USP28: variants seen among roughly 807,000 people sequenced by gnomAD.
The protein encoded by USP28 is ubiquitin specific peptidase 28, also known as ubiquitin carboxyl-terminal hydrolase 28.
USP28 carries 113 observed loss-of-function variants against 145.0 expected under a neutral mutation model. The ratio of observed to expected loss-of-function variants is 0.78; its 90% CI spans 0.67 to 0.91. The LOEUF (loss-of-function observed/expected upper bound fraction) is 0.91. Among genes scored for constraint, USP28 ranks in the 40% least tolerant of loss-of-function variants. USP28 has a pLI of 0.00. For synonymous variants in USP28, 447 were observed against 450.9 expected, an observed-to-expected ratio of 0.99 and a Z score of 0.11; for missense variants, 1,201 against 1,289.6, an observed-to-expected ratio of 0.93 and a Z score of 1.05.
chr11:113,867,563 AT>A (rs1948402104), intron 1 of USP28, among the ~76,000 whole-genome samples: 1 of 151,140 alleles, frequency 6.6e-6, no homozygotes, highest in Non-Finnish European at 1.5e-5. Flanking sequence ...TTTTGCCTCA[AT>A]TGAAAAAAAA....
chr11:113,826,482 T>A (rs967211092), intron 11 of USP28, among the ~76,000 whole-genome samples: 7 of 151,278 alleles, frequency 4.6e-5, no homozygotes, highest in African/African-American at 7.3e-5. Flanking sequence ...GCTAATTTTT[T>A]TTTTTTAAGA....
chr11:113,841,840 TAA>T (rs1228567151), intron 3 of USP28, 72 bp from the exon 4 acceptor site: 17 of 1,040,422 alleles, frequency 1.6e-5, no homozygotes, highest in South Asian at 1.6e-5. Context: ...AAGAAAAAGG[TAA>T]AGACATACTC....
At chr11:113,871,877 C>G (rs185663809) in intron 1 of USP28, among the ~76,000 whole-genome samples, 555 of 152,262 alleles carry the variant, frequency 3.6e-3, no homozygotes, top group Non-Finnish European at 5.1e-3. Context: ...GCAATGGGCC[C>G]ATCAACTATG....
chr11:113,806,677 G>T, intron 18 of USP28, 93 bp from the exon 20 acceptor site: 1 of 863,620 alleles, frequency 1.2e-6, no homozygotes, highest in Non-Finnish European at 1.8e-6. Flanking sequence ...AGTGCTAAAG[G>T]GCAGCAGAGC....
chr11:113,858,712 C>A lies in USP28; in HGVS notation c.58-4377G>T, dbSNP rs190883720. Among the ~76,000 whole-genome samples, 31 of 152,320 alleles carry A rather than the reference C, an allele frequency of 2.0e-4. No individual in the cohort carries two copies. In the East Asian group the frequency reaches 4.4e-3, roughly 22 times the overall value. On this transcript the variant is annotated intron_variant, in intron 1 of 24. Coordinates refer to ENST00000003302, the Ensembl canonical transcript of USP28. ...GCAAACTCCACCTCTTGGGTTCAAG[C>A]GATTCTCCTGCCTCAGCCACCTGAG...
Position 113,817,719 on chromosome 11 carries a change from G to T in USP28, c.1402C>A (p.His468Asn), listed in dbSNP as rs370812526. 2.9e-4 allele frequency: 466 copies of T among 1,614,078 alleles called. No individual in the cohort carries two copies. The highest frequency in any genetic ancestry group is 3.6e-4 in the Non-Finnish European group (420 of 1,180,030). Residue 468 changes from histidine (H) to asparagine (N), a missense_variant, in exon 13 of 25, where the codon CAT (histidine) becomes AAT (asparagine). Coordinates refer to ENST00000003302, the Ensembl canonical transcript of USP28. Reference sequence around the variant, plus strand: ...ACTGAAGAAAGTGGTAATGTCATATGTGTGTCACTTTCAGGTGGACAGCTT... The same window carrying T: ...ACTGAAGAAAGTGGTAATGTCATATTTGTGTCACTTTCAGGTGGACAGCTT...
intron 17 of USP28, 134 bp from the exon 18 acceptor site, chr11:113,808,571 A>C: frequency 1.1e-6 from 1 of 904,278 alleles, no homozygotes; most frequent in Non-Finnish European, 1.5e-6. Context: ...GCCTATGCAG[A>C]TTTTCCCTAG....
intron 1 of USP28, among the ~76,000 whole-genome samples, chr11:113,856,014 C>T (rs1270647071): frequency 6.6e-6 from 1 of 152,198 alleles, no homozygotes; most frequent in Admixed American, 6.5e-5. Context: ...CTGCTGAGAC[C>T]AGCAGACTTT....
At chr11:113,839,094 G>A (rs1490329642) in intron 5 of USP28, among the ~76,000 whole-genome samples, 2 of 152,178 alleles carry the variant, frequency 1.3e-5, no homozygotes, top group African/African-American at 2.4e-5. Context: ...ACTGTATCTA[G>A]AGCCCAGCAC....
At position 113,813,866 on chromosome 11, in the gene USP28, C is replaced by A; in HGVS notation, c.1743+19G>T. 6.2e-7 allele frequency: 1 copy of A among 1,606,430 alleles called. No individual in the cohort carries two copies. ...ATTAGCACATGCCTTGACTACTTTC[C>A]CATCAATTTTCATTCTACCTGACGA... On this transcript the variant is annotated intron_variant, in intron 15 of 24. Transcript: ENST00000003302.
intron 12 of USP28, among the ~76,000 whole-genome samples, chr11:113,822,060 G>A (rs564167094): frequency 6.6e-6 from 1 of 152,326 alleles, no homozygotes; most frequent in East Asian, 1.9e-4. Context: ...AGAATACCCT[G>A]TTGTCTCCTG....
intron 1 of USP28, among the ~76,000 whole-genome samples, chr11:113,858,890 T>C (rs1591459045): frequency 1.3e-5 from 2 of 152,348 alleles, no homozygotes; most frequent in African/African-American, 2.4e-5. Context: ...ATTACAGGCA[T>C]GAGCCACCGG....
chr11:113,875,014 G>T, intron 1 of USP28: 1 of 721,044 alleles, frequency 1.4e-6, no homozygotes, highest in Non-Finnish European at 1.7e-6. Flanking sequence ...CTTTAAGTGA[G>T]ATAACTTCGG....
exon 5 of USP28, chr11:113,840,725 C>T (rs554447859): frequency 1.2e-6 from 2 of 1,614,148 alleles, no homozygotes; most frequent in African/African-American, 1.3e-5. Flanking sequence ...TCTCTTTGAG[C>T]GTTTAGTTTC....
intron 3 of USP28, among the ~76,000 whole-genome samples, chr11:113,842,855 A>G (rs1007705639): frequency 4.7e-5 from 7 of 149,800 alleles, no homozygotes; most frequent in African/African-American, 1.5e-4. Context: ...AACGTTAAGT[A>G]TATTTGCTTT....
intron 1 of USP28, among the ~76,000 whole-genome samples, chr11:113,869,545 G>A (rs1365670753): frequency 2.6e-5 from 4 of 152,062 alleles, no homozygotes; most frequent in Admixed American, 2.6e-4. Context: ...GAGCCTTGAC[G>A]GTGTCACCAC....
At chr11:113,842,271 T>TAA (rs561523485) in intron 3 of USP28, among the ~76,000 whole-genome samples, 4 of 145,014 alleles carry the variant, frequency 2.8e-5, no homozygotes, top group African/African-American at 7.6e-5. Context: ...CCCAATAATA[T>TAA]AAAAAAAAAA....
chr11:113,835,672 T>A (rs1252763373), intron 5 of USP28, among the ~76,000 whole-genome samples: 1 of 152,256 alleles, frequency 6.6e-6, no homozygotes, highest in Non-Finnish European at 1.5e-5. Context: ...CTCTGCTGGC[T>A]ACCCTGTGAC....
rs532860708 is a variant in USP28, at chr11:113,806,545, T to C, written c.2344A>G (p.Ile782Val). The C allele has an allele frequency of 3.7e-5, 59 of 1,603,602 alleles. No homozygotes were observed. The Admixed American group carries it at 4.8e-4, about 13-fold the overall frequency. The change falls in exon 19 of 25, where the codon ATA becomes GTA. Residue 782 changes from isoleucine (I) to valine (V), a missense_variant. Physicochemically the swap from Ile to Val is conservative, Grantham distance 29 (BLOSUM62 3). Transcript: ENST00000003302. ...TCAAAGGTCTGACGGGCTTTAGCTA[T>C]GGCCAGGATGACCCCTTGCATGGCA...
Sources: gnomAD v4.1 joint callset for allele counts (sites outside exome capture counted in the v4.1 genomes callset) on GRCh38, gnomAD v4.1.1 for gene constraint, MANE v1.5 for transcripts, NCBI Gene and HGNC (gene_info 2026-07-23, HGNC 2026-07-21) for gene names.